The following CLDN10 variants were observed in gnomAD, a reference collection of about 807,000 sequenced individuals.
The protein encoded by CLDN10 is claudin 10.
CLDN10 carries 15 observed loss-of-function variants against 22.9 expected under a neutral mutation model. That is an observed-to-expected ratio of 0.65 (90% CI 0.44 to 1.01). The LOEUF is 1.01. Among genes scored for constraint, CLDN10 ranks in the 50% least tolerant of loss-of-function variants. The probability of loss-of-function intolerance (pLI) is 0.00; values close to 1 mark genes in which losing one functional copy is unlikely to be tolerated. For synonymous variants in CLDN10, 114 were observed against 111.4 expected, an observed-to-expected ratio of 1.02 and a Z score of -0.15; for missense variants, 247 against 287.8, an observed-to-expected ratio of 0.86 and a Z score of 1.03.
At chr13:95,487,743 T>C (rs1273771937) in intron 1 of CLDN10, among the ~76,000 whole-genome samples, 1 of 147,612 alleles carries the variant, frequency 6.8e-6, no homozygotes, top group African/African-American at 2.5e-5. Flanking sequence ...GGCGTGATCA[T>C]GGTTCACTGC....
chr13:95,463,285 AATATATATATATATATATATATAT>A lies in CLDN10; in HGVS notation c.214+29255_214+29278del, dbSNP rs200962205. Among the ~76,000 whole-genome samples, 25 of 40,098 alleles carry A rather than the reference AATATATATATATATATATATATAT, an allele frequency of 6.2e-4. 2 individuals are homozygous for A. The highest frequency in any genetic ancestry group is 1.7e-3 in the African/African-American group (22 of 13,184). The allele number at this position is 40,098 out of a possible 152,430, so 26.3% of individuals were successfully genotyped here. A position where few individuals can be genotyped will look rare whatever the true frequency, so the allele number is the denominator to read the frequency against. ...AGTTGAGTCAAAAGTGCAAATGCTT[AATATATATATATATATATATATAT>A]ATATATATATATATATTTGCCTTTT... On this transcript the variant is annotated intron_variant, in intron 1 of 4. Transcript: ENST00000376873.
chr13:95,462,759 GA>G (rs1444687512), intron 1 of CLDN10, among the ~76,000 whole-genome samples: 1 of 150,114 alleles, frequency 6.7e-6, no homozygotes. Flanking sequence ...GTTTTAGGTA[GA>G]AAAAAGGAAA....
At chr13:95,517,306 A>G (rs1209270462) in intron 1 of CLDN10, among the ~76,000 whole-genome samples, 3 of 152,104 alleles carry the variant, frequency 2.0e-5, no homozygotes, top group Admixed American at 6.5e-5. Flanking sequence ...CGGGGCAGCC[A>G]TTGCCCTTGG....
intron 1 of CLDN10, among the ~76,000 whole-genome samples, chr13:95,440,906 C>T (rs537021250): frequency 2.0e-4 from 30 of 152,346 alleles, no homozygotes; most frequent in East Asian, 1.9e-4. Context: ...GCCATAGCAG[C>T]GGACGACTGG....
chr13:95,506,933 G>T (rs370358433), intron 1 of CLDN10, among the ~76,000 whole-genome samples: 1 of 152,160 alleles, frequency 6.6e-6, no homozygotes, highest in Non-Finnish European at 1.5e-5. Context: ...AGCAGGCCAC[G>T]AGGAATTGGG....
At position 95,471,336 on chromosome 13, in the gene CLDN10, CA is replaced by C. The variant is rs533920659; in HGVS notation, c.214+37290del. Among the ~76,000 whole-genome samples, 10 of 148,760 alleles carry C rather than the reference CA, an allele frequency of 6.7e-5. No homozygotes were observed. The South Asian group carries it at 2.1e-3, about 32-fold the overall frequency. On this transcript the variant is annotated intron_variant, in intron 1 of 4. Coordinates refer to the CLDN10 transcript ENST00000376873. ...CTCCAAGAAGTGCTCACCAGAACTT[CA>C]GCTCTGACTTATGGATATATATGTG...
chr13:95,487,390 C>T lies in CLDN10; in HGVS notation c.214+53343C>T, dbSNP rs181258702. ...GGCTAAAGAGTATGTTATCACTGCTCTAAGCTTTGCATTTGGGTTCATCTG... is the reference window on the plus strand; with the variant it reads ...GGCTAAAGAGTATGTTATCACTGCTTTAAGCTTTGCATTTGGGTTCATCTG... On this transcript the variant is annotated intron_variant, in intron 1 of 4. Transcript: ENST00000376873. Among the ~76,000 whole-genome samples, 5 of 152,318 alleles carry T rather than the reference C, an allele frequency of 3.3e-5. No individual in the cohort carries two copies. The East Asian group carries it at 9.6e-4, about 29-fold the overall frequency.
chr13:95,489,100 A>G (rs2042840668), intron 1 of CLDN10, among the ~76,000 whole-genome samples: 1 of 150,794 alleles, frequency 6.6e-6, no homozygotes. Flanking sequence ...TCAGGCACTC[A>G]CCACCACGCC....
chr13:95,568,753 A>T (rs2043817286), intron 3 of CLDN10, among the ~76,000 whole-genome samples: 3 of 152,196 alleles, frequency 2.0e-5, no homozygotes, highest in Admixed American at 2.0e-4. Flanking sequence ...TACAGCAAGG[A>T]TGGTAAATCT....
At chr13:95,577,565 G>A (rs531700708) in intron 4 of CLDN10, among the ~76,000 whole-genome samples, 18 of 152,292 alleles carry the variant, frequency 1.2e-4, no homozygotes, top group Admixed American at 3.9e-4. Context: ...TGTTCTTCAC[G>A]TTGGCCTCAT....
chr13:95,483,484 T>C (rs142949351), intron 1 of CLDN10, among the ~76,000 whole-genome samples: 2 of 152,312 alleles, frequency 1.3e-5, no homozygotes, highest in East Asian at 3.9e-4. Context: ...GCTAGGATTA[T>C]AGGCATGACC....
chr13:95,530,402 G>A (rs978662782), intron 1 of CLDN10, among the ~76,000 whole-genome samples: 4 of 152,158 alleles, frequency 2.6e-5, no homozygotes, highest in South Asian at 2.1e-4. Context: ...AACCCCTACC[G>A]GAAGGAAACA....
At chr13:95,437,469 C>T (rs1425477876) in intron 1 of CLDN10, among the ~76,000 whole-genome samples, 5 of 152,118 alleles carry the variant, frequency 3.3e-5, no homozygotes, top group African/African-American at 4.8e-5. Context: ...CATCTCTCAT[C>T]GTAGGGAGAA....
chr13:95,526,787 CAAATAAATAAAT>C (rs71113945), intron 1 of CLDN10, among the ~76,000 whole-genome samples: 60,487 of 149,664 alleles, frequency 0.4, 12,565 homozygotes, highest in African/African-American at 0.49. Context: ...AATTCCATCT[CAAATAAATAAAT>C]AAATAAATAA....
chr13:95,538,526 G>T (rs1485094806), intron 1 of CLDN10, among the ~76,000 whole-genome samples: 1 of 152,108 alleles, frequency 6.6e-6, no homozygotes, highest in Non-Finnish European at 1.5e-5. Context: ...TCATCATATT[G>T]ATTTCCTCTT....
At chr13:95,443,948 G>C (rs1370420881) in intron 1 of CLDN10, among the ~76,000 whole-genome samples, 1 of 152,196 alleles carries the variant, frequency 6.6e-6, no homozygotes, top group Non-Finnish European at 1.5e-5. Context: ...ATAGATGCCA[G>C]AGCCCTTGGT....
At chr13:95,522,308 T>G (rs2043231522) in intron 1 of CLDN10, among the ~76,000 whole-genome samples, 1 of 152,080 alleles carries the variant, frequency 6.6e-6, no homozygotes, top group Non-Finnish European at 1.5e-5. Context: ...CCACAAGTTT[T>G]AATGTCTTGT....
chr13:95,571,453 C>G (rs1373272620), intron 3 of CLDN10, among the ~76,000 whole-genome samples: 3 of 152,118 alleles, frequency 2.0e-5, no homozygotes, highest in Non-Finnish European at 2.9e-5. Flanking sequence ...CACTATTTTG[C>G]AAGTCTTGTT....
intron 1 of CLDN10, among the ~76,000 whole-genome samples, chr13:95,455,858 A>T (rs569398224): frequency 3.2e-4 from 48 of 152,340 alleles, no homozygotes; most frequent in Middle Eastern, 3.4e-3. Flanking sequence ...AATGTTCCGG[A>T]TGTTTTGGAT....
Sources: allele counts gnomAD v4.1 joint callset (sites outside exome capture counted in the v4.1 genomes callset), GRCh38; gene constraint gnomAD v4.1.1; transcripts MANE v1.5; gene names NCBI Gene and HGNC (gene_info 2026-07-23, HGNC 2026-07-21).